The following SLC16A10 variants were observed in gnomAD, a reference collection of about 807,000 sequenced individuals.
The protein encoded by SLC16A10 is monocarboxylate transporter 10.
A neutral mutation model predicts 40.0 loss-of-function variants in SLC16A10; 27 were observed. The observed-to-expected ratio is 0.67, with a 90% CI of 0.50 to 0.93. SLC16A10 has a LOEUF of 0.93. Ranked by LOEUF, SLC16A10 falls within the 40% of genes least tolerant of loss-of-function variation. The pLI is 0.00. For synonymous variants in SLC16A10, 213 were observed against 249.8 expected, an observed-to-expected ratio of 0.85 and a Z score of 1.39; for missense variants, 529 against 658.2, an observed-to-expected ratio of 0.80 and a Z score of 2.15.
Position 111,200,599 on chromosome 6 carries a change from A to G in SLC16A10, c.943-5993A>G, listed in dbSNP as rs377156610. On this transcript the variant is annotated intron_variant, in intron 3 of 5. Transcript: ENST00000368851. The stretch of plus-strand genomic sequence containing the variant: ...AATCGTTTAAAAAAGAAAGAAAAAA[A>G]CAAAATAAACTGTCTCATTTCATTC... Among the ~76,000 whole-genome samples the G allele has an allele frequency of 2.0e-4, 31 of 152,334 alleles. No homozygotes were observed. In the East Asian group the frequency reaches 5.6e-3, roughly 28 times the overall value.
At chr6:111,165,850 G>A (rs1236944682) in intron 1 of SLC16A10, among the ~76,000 whole-genome samples, 1 of 152,210 alleles carries the variant, frequency 6.6e-6, no homozygotes, top group Non-Finnish European at 1.5e-5. Flanking sequence ...CCTAAGCCAG[G>A]ATTGAACCTG....
Position 111,087,853 on chromosome 6 carries a change from G to A in SLC16A10, c.101G>A (p.Gly34Glu), listed in dbSNP as rs1241144771. The change falls in exon 1 of 6, where the codon GGA (glycine) becomes GAA (glutamate). Residue 34 changes from glycine to glutamate, a missense_variant. Physicochemically the swap from Gly to Glu is moderately conservative, Grantham distance 98 (BLOSUM62 -2). Transcript: ENST00000368851. ...GGGGCCGCTCCGCCGCCCGGCCCGG[G>A]ACCCTCGGACAGCCCCGAGGCGGCT... ...PTGAAPPPGP[G>E]PSDSPEAAVE... 2.8e-6 allele frequency: 4 copies of A among 1,427,176 alleles called. No individual in the cohort carries two copies. Among genetic ancestry groups the A allele is most frequent in the African/African-American group, 1.5e-5 (1 of 65,744 alleles). 88.4% of individuals were successfully genotyped at this position (1,427,176 alleles called of 1,614,324 possible).
Position 111,227,469 on chromosome 6 carries a change from T to C in SLC16A10, c.*5234T>C, listed in dbSNP as rs1771022615. ...GTGCATTTTATCAGATGACTCCTCC[T>C]GAGACAGTAAAGACTCCTGGAAAAT... is the stretch of plus-strand genomic sequence containing the variant. On this transcript the variant is annotated 3_prime_UTR_variant, in exon 6 of 6. Transcript: ENST00000368851. 1 of 152,182 alleles carries C rather than the reference T, an allele frequency of 6.6e-6. No individual in the cohort carries two copies. The highest frequency in any genetic ancestry group is 2.4e-5 in the African/African-American group (1 of 41,450). The allele number at this position is 152,182 out of a possible 1,614,324, so 9.4% of individuals were successfully genotyped here.
chr6:111,172,115 G>A (rs1772596941), intron 1 of SLC16A10, among the ~76,000 whole-genome samples: 1 of 152,150 alleles, frequency 6.6e-6, no homozygotes, highest in African/African-American at 2.4e-5. Context: ...TTCTAGAAAG[G>A]TATGTGTTTG....
intron 3 of SLC16A10, among the ~76,000 whole-genome samples, chr6:111,188,988 C>T (rs1032945149): frequency 6.6e-6 from 1 of 152,136 alleles, no homozygotes; most frequent in Admixed American, 6.5e-5. Flanking sequence ...ATTCTAATGG[C>T]AACCTTAATT....
chr6:111,201,022 G>GTAGCATT lies in SLC16A10; in HGVS notation c.943-5567_943-5561dup, dbSNP rs551201376. Reference sequence around the variant, plus strand: ...ATTCCATAATTGCTGTAAATATTATGTAGCATTTATTATCCCATTTTTTGA... The same window carrying GTAGCATT: ...ATTCCATAATTGCTGTAAATATTATGTAGCATTTAGCATTTATTATCCCATTTTTTGA... On this transcript the variant is annotated intron_variant, in intron 3 of 5. Coordinates refer to ENST00000368851, the MANE Select transcript of SLC16A10 (RefSeq NM_018593.5). Among the ~76,000 whole-genome samples the GTAGCATT allele has an allele frequency of 5.3e-4, 81 of 152,298 alleles. 1 individual carries two copies. The South Asian group carries it at 8.1e-3, about 15-fold the overall frequency.
At position 111,230,466 on chromosome 6, in the gene SLC16A10, A is replaced by T. The variant is rs1038746711; in HGVS notation, c.*8231A>T. 6.6e-6 allele frequency: 1 copy of T among 152,254 alleles called. No homozygotes were observed. Among genetic ancestry groups the T allele is most frequent in the Non-Finnish European group, 1.5e-5 (1 of 68,042 alleles). The allele number at this position is 152,254 out of a possible 1,614,324, so 9.4% of individuals were successfully genotyped here. On this transcript the variant is annotated 3_prime_UTR_variant, in exon 6 of 6. Transcript: ENST00000368851. ...CTAATGATAACACTTTTCTACGTTA[A>T]CATGAGTTATATTTGGCAGAGAGAA...
Position 111,230,683 on chromosome 6 carries a change from T to C in SLC16A10, c.*8448T>C, listed in dbSNP as rs1771098816. ...GCCTTAAAGTTATAGCTACAACAAATTGAACCCTGTAGTTATTACTGAAAG... is the reference window on the plus strand; with the variant it reads ...GCCTTAAAGTTATAGCTACAACAAACTGAACCCTGTAGTTATTACTGAAAG... On this transcript the variant is annotated 3_prime_UTR_variant, in exon 6 of 6. Transcript: ENST00000368851. 1 of 152,220 alleles carries C rather than the reference T, an allele frequency of 6.6e-6. No homozygotes were observed. Among genetic ancestry groups the C allele is most frequent in the Non-Finnish European group, 1.5e-5 (1 of 68,040 alleles). The allele number at this position is 152,220 out of a possible 1,614,324, so 9.4% of individuals were successfully genotyped here.
chr6:111,159,121 G>A lies in SLC16A10; in HGVS notation c.344-13574G>A, dbSNP rs1772326785. 3.5e-5 allele frequency among the ~76,000 whole-genome samples: 5 copies of A among 144,862 alleles called. No homozygotes were observed. In the South Asian group the frequency reaches 1.1e-3, roughly 32 times the overall value. On this transcript the variant is annotated intron_variant, in intron 1 of 5. Transcript: ENST00000368851. ...AGATGTAAACATTACAGGCCCAGCT[G>A]TGGTCCCGTGTACACTTCTCCATTC...
chr6:111,171,387 T>G (rs189603961), intron 1 of SLC16A10, among the ~76,000 whole-genome samples: 49 of 152,272 alleles, frequency 3.2e-4, no homozygotes, highest in Non-Finnish European at 6.3e-4. Context: ...GGGCCATGGC[T>G]TACGCCTGCA....
intron 1 of SLC16A10, among the ~76,000 whole-genome samples, chr6:111,100,580 G>A (rs1033364753): frequency 6.6e-6 from 1 of 151,934 alleles, no homozygotes; most frequent in Non-Finnish European, 1.5e-5. Context: ...GTAGAGATGG[G>A]GTTTCACCAT....
At chr6:111,115,735 T>C (rs781591692) in intron 1 of SLC16A10, among the ~76,000 whole-genome samples, 1 of 152,182 alleles carries the variant, frequency 6.6e-6, no homozygotes, top group Non-Finnish European at 1.5e-5. Context: ...AGTAGTATCA[T>C]GCCTAGAGAT....
At chr6:111,221,796 T>C in intron 5 of SLC16A10, among the ~76,000 whole-genome samples, 1 of 151,808 alleles carries the variant, frequency 6.6e-6, no homozygotes, top group East Asian at 1.9e-4. Context: ...TGTCTTGGTA[T>C]GAAAATCCAG....
intron 1 of SLC16A10, among the ~76,000 whole-genome samples, chr6:111,157,982 C>T (rs1272404078): frequency 6.6e-6 from 1 of 151,134 alleles, no homozygotes; most frequent in Non-Finnish European, 1.5e-5. Context: ...GAAAAGATGA[C>T]TTTCTTATTT....
At position 111,111,709 on chromosome 6, in the gene SLC16A10, C is replaced by T. The variant is rs558875363; in HGVS notation, c.343+23614C>T. Reference sequence around the variant, plus strand: ...TCTGAGACCATTGTACTTTCTATTTCTATGAGATCAGCCTTTTAAGATTCT... The same window carrying T: ...TCTGAGACCATTGTACTTTCTATTTTTATGAGATCAGCCTTTTAAGATTCT... On this transcript the variant is annotated intron_variant, in intron 1 of 5. Coordinates refer to ENST00000368851, the MANE Select transcript of SLC16A10 (RefSeq NM_018593.5). Among the ~76,000 whole-genome samples the T allele has an allele frequency of 2.6e-5, 4 of 152,326 alleles. No individual in the cohort carries two copies. In the South Asian group the frequency reaches 8.3e-4, roughly 32 times the overall value.
chr6:111,088,021 C>G lies in SLC16A10; in HGVS notation c.269C>G (p.Ala90Gly), dbSNP rs765233362. 6.2e-7 allele frequency: 1 copy of G among 1,609,628 alleles called. No individual in the cohort carries two copies. Residue 90 changes from alanine (A) to glycine (G), a missense_variant, in exon 1 of 6, where the codon GCT (alanine) becomes GGT (glycine). Physicochemically the swap from Ala to Gly is moderately conservative, Grantham distance 60 (BLOSUM62 0). Transcript: ENST00000368851. ...GGGTCGGTGTTCGGCATCCAGAACG[C>G]TTGCGGGGTGCTCTTCGTGTCCATG... ...CNGSVFGIQN[A>G]CGVLFVSMLE...
In SLC16A10 at chr6:111,218,954, G is replaced by A. The variant is rs1770834704; in HGVS notation, c.1227G>A (p.Glu409=). Residue 409 remains glutamate, a synonymous_variant, in exon 5 of 6, where the codon GAG becomes GAA. Transcript: ENST00000368851. The part of the protein sequence containing the change: ...FISIMAPIAF[E]LVGAQDVSQA... ...CCATTATGGCTCCCATAGCCTTTGA[G>A]TTAGTTGGTGCCCAGGATGTCTCCC... is the stretch of plus-strand genomic sequence containing the variant. 1.5e-5 allele frequency: 25 copies of A among 1,614,132 alleles called. No individual in the cohort carries two copies. Among genetic ancestry groups the A allele is most frequent in the Non-Finnish European group, 2.0e-5 (24 of 1,180,022 alleles).
At chr6:111,192,597 G>A (rs908388426) in intron 3 of SLC16A10, among the ~76,000 whole-genome samples, 5 of 152,098 alleles carry the variant, frequency 3.3e-5, no homozygotes, top group African/African-American at 1.2e-4. Context: ...CCAATTTACT[G>A]TATTAATCTG....
intron 1 of SLC16A10, among the ~76,000 whole-genome samples, chr6:111,145,087 C>A (rs562249278): frequency 6.6e-6 from 1 of 152,258 alleles, no homozygotes; most frequent in East Asian, 1.9e-4. Flanking sequence ...CCATCTTGGC[C>A]TCCCAAAGTG....
Sources: gnomAD v4.1 joint callset for allele counts (sites outside exome capture counted in the v4.1 genomes callset) on GRCh38, gnomAD v4.1.1 for gene constraint, MANE v1.5 for transcripts, NCBI Gene and HGNC (gene_info 2026-07-23, HGNC 2026-07-21) for gene names.